The following ZDHHC8 variants were observed in gnomAD, a reference collection of about 807,000 sequenced individuals.
ZDHHC8 encodes the protein zDHHC palmitoyltransferase 8.
In ZDHHC8, 24 loss-of-function variants were observed where a neutral mutation model predicts 61.2. That is an observed-to-expected ratio of 0.39 (90% CI 0.28 to 0.55). The LOEUF is 0.55. ZDHHC8 is among the 20% of genes least tolerant of loss of function. The pLI, the probability that ZDHHC8 is intolerant of heterozygous loss-of-function variation, is 0.60. For missense variants in ZDHHC8, 935 were observed against 1,102.1 expected (o/e 0.85, Z 2.15); for synonymous variants, 523 against 492.5 (o/e 1.06, Z -0.82).
Position 20,140,930 on chromosome 22 carries a change from G to A in ZDHHC8, c.812G>A (p.Arg271Lys), listed in dbSNP as rs1423247543. The stretch of plus-strand genomic sequence containing the variant: ...GTGAGTTTGAAGCCGCCTTTCCTTA[G>A]GCCTGAACTCCTGGACCGAGCTGCA... ...LAVSLKPPFLRPELLDRAAPL... is the reference protein window; with the variant it reads ...LAVSLKPPFLKPELLDRAAPL... Residue 271 changes from arginine to lysine, a missense_variant, in exon 7 of 11, where the codon AGG becomes AAG. By Grantham distance (26) the Arg-to-Lys change is conservative (BLOSUM62 2). Coordinates refer to ENST00000334554, the MANE Select transcript of ZDHHC8 (RefSeq NM_013373.4). 1.2e-6 allele frequency: 2 copies of A among 1,609,022 alleles called. No individual in the cohort carries two copies. Among genetic ancestry groups the A allele is most frequent in the Non-Finnish European group, 1.7e-6 (2 of 1,179,986 alleles).
rs1388951602 is a variant in ZDHHC8 at position 20,146,798 on chromosome 22, CA to C, written c.*1399del. The C allele has an allele frequency of 4.0e-6, 5 of 1,236,632 alleles. No homozygotes were observed. The African/African-American group carries it at 7.8e-5, about 19-fold the overall frequency. The allele number at this position is 1,236,632 out of a possible 1,614,324, so 76.6% of individuals were successfully genotyped here. ...AGATGAAATGGGGGTGCATAGGGGCCACCTGTTGGCTCAGGGCCCTGTGGGG... is the reference window on the plus strand; with the variant it reads ...AGATGAAATGGGGGTGCATAGGGGCCCCTGTTGGCTCAGGGCCCTGTGGGG... On this transcript the variant is annotated 3_prime_UTR_variant, in exon 11 of 11. Coordinates refer to ENST00000334554, the MANE Select transcript of ZDHHC8 (RefSeq NM_013373.4).
chr22:20,147,461 C>T lies in ZDHHC8; in HGVS notation c.*2061C>T, dbSNP rs2050538880. 2 of 447,546 alleles carry T rather than the reference C, an allele frequency of 4.5e-6. No individual in the cohort carries two copies. The highest frequency in any genetic ancestry group is 7.7e-6 in the Non-Finnish European group (2 of 259,926). 27.7% of individuals were successfully genotyped at this position (447,546 alleles called of 1,614,324 possible). ...TCCAGCACCCCACAGGGGGGCAGTCCCAGAGCTGTGGGGACCGGCACGACC... is the reference window on the plus strand; with the variant it reads ...TCCAGCACCCCACAGGGGGGCAGTCTCAGAGCTGTGGGGACCGGCACGACC... On this transcript the variant is annotated 3_prime_UTR_variant, in exon 11 of 11. Transcript: ENST00000334554.
chr22:20,141,029 A>G lies in ZDHHC8; in HGVS notation c.894+17A>G. 5 of 1,609,800 alleles carry G rather than the reference A, an allele frequency of 3.1e-6. No individual in the cohort carries two copies. Among genetic ancestry groups the G allele is most frequent in the Non-Finnish European group, 4.2e-6 (5 of 1,179,740 alleles). On this transcript the variant is annotated intron_variant, in intron 7 of 10. Coordinates refer to ENST00000334554, the MANE Select transcript of ZDHHC8 (RefSeq NM_013373.4). ...CGTAGCAAGGTGGGCGCCTGGGCTTAGGGATGGGCTGGCAGTCAGGCCCTT... is the reference window on the plus strand; with the variant it reads ...CGTAGCAAGGTGGGCGCCTGGGCTTGGGGATGGGCTGGCAGTCAGGCCCTT...
chr22:20,135,016 C>T (rs571027678), intron 1 of ZDHHC8, among the ~76,000 whole-genome samples: 7 of 152,284 alleles, frequency 4.6e-5, no homozygotes, highest in South Asian at 4.2e-4. Context: ...ACTGCAGTCT[C>T]GACCTCCTGG....
In ZDHHC8 at chr22:20,143,568, G is replaced by A. The variant is rs774606085; in HGVS notation, c.1938G>A (p.Leu646=). Residue 646 remains leucine, a synonymous_variant, in exon 10 of 11, where the codon CTG becomes CTA. Coordinates refer to ENST00000334554, the MANE Select transcript of ZDHHC8 (RefSeq NM_013373.4). The part of the protein sequence containing the change: ...SRAPRTSSSS[L]QADQASSNAP... ...CACCGCGGACGTCGTCCTCCTCCCT[G>A]CAGGCTGATCAGGCCAGCAGCAACG... The A allele has an allele frequency of 1.9e-6, 3 of 1,598,242 alleles. No homozygotes were observed. The Admixed American group carries it at 5.0e-5, about 27-fold the overall frequency.
At chr22:20,134,217 G>A (rs1259835664) in intron 1 of ZDHHC8, among the ~76,000 whole-genome samples, 2 of 152,224 alleles carry the variant, frequency 1.3e-5, no homozygotes, top group African/African-American at 4.8e-5. Context: ...ATGTGCAGTG[G>A]CCACCTAGCA....
Position 20,132,319 on chromosome 22 carries a change from C to A in ZDHHC8, c.104+268C>A, listed in dbSNP as rs901119894. Among the ~76,000 whole-genome samples the A allele has an allele frequency of 2.0e-5, 3 of 152,310 alleles. No individual in the cohort carries two copies. In the South Asian group the frequency reaches 6.2e-4, roughly 32 times the overall value. The stretch of plus-strand genomic sequence containing the variant: ...TCGGGAGTGTCCAGGCAGGCCCTGG[C>A]GGGGAGCGCTGGGCCCTGGCAGGGG... On this transcript the variant is annotated intron_variant, in intron 1 of 10. Coordinates refer to ENST00000334554, the MANE Select transcript of ZDHHC8 (RefSeq NM_013373.4).
Position 20,147,486 on chromosome 22 carries a change from C to G in ZDHHC8, c.*2086C>G. ...CCAGAGCTGTGGGGACCGGCACGAC[C>G]TTTGCCCAGCCTCCCTACCCAACCA... On this transcript the variant is annotated 3_prime_UTR_variant, in exon 11 of 11. Transcript: ENST00000334554. The G allele has an allele frequency of 3.0e-6, 1 of 337,616 alleles. No individual in the cohort carries two copies. The allele number at this position is 337,616 out of a possible 1,614,324, so 20.9% of individuals were successfully genotyped here. A position where few individuals can be genotyped will look rare whatever the true frequency, so the allele number is the denominator to read the frequency against.
rs1374618390 is a variant in ZDHHC8, at chr22:20,145,302, G to A, written c.2200G>A (p.Ala734Thr). Residue 734 changes from alanine to threonine, a missense_variant, in exon 11 of 11, where the codon GCC (alanine) becomes ACC (threonine). Transcript: ENST00000334554. Reference sequence around the variant, plus strand: ...CCCGGGCCTGGCCCGGCTGGGACCTGCCACCGGCCCCCCAGGGCCCTCTGC... The same window carrying A: ...CCCGGGCCTGGCCCGGCTGGGACCTACCACCGGCCCCCCAGGGCCCTCTGC... ...QSPGLARLGP[A>T]TGPPGPSASP... The A allele has an allele frequency of 6.3e-7, 1 of 1,592,126 alleles. No homozygotes were observed. The highest frequency in any genetic ancestry group is 8.5e-7 in the Non-Finnish European group (1 of 1,170,008).
Position 20,139,605 on chromosome 22 carries a change from C to T in ZDHHC8, c.354C>T (p.Ser118=). The change falls in exon 3 of 11, where the codon TCC becomes TCT. Residue 118 remains serine (S), a synonymous_variant. Transcript: ENST00000334554. ...ACTTCTACCGCCCGCCGCGCTGCTC[C>T]CACTGCAGCGTCTGTGACAACTGTG... ...TCHFYRPPRC[S]HCSVCDNCVE... 6.2e-7 allele frequency: 1 copy of T among 1,613,180 alleles called. No individual in the cohort carries two copies. Among genetic ancestry groups the T allele is most frequent in the Non-Finnish European group, 8.5e-7 (1 of 1,180,016 alleles).
chr22:20,133,018 G>T, intron 1 of ZDHHC8, among the ~76,000 whole-genome samples: 1 of 152,248 alleles, frequency 6.6e-6, no homozygotes, highest in East Asian at 1.9e-4. Context: ...GCCTGGAGAG[G>T]GGCAGGTAGG....
At position 20,131,865 on chromosome 22, in the gene ZDHHC8, G is replaced by GGCCC; in HGVS notation, c.-83_-82insGCCC. On this transcript the variant is annotated 5_prime_UTR_variant, in exon 1 of 11. Transcript: ENST00000334554. Reference sequence around the variant, plus strand: ...CGCCGCGGGTCCTGCGCCGCGTCCAGCCCGCCCGCCCGACCCCGGCCCGAC... The same window carrying GGCCC: ...CGCCGCGGGTCCTGCGCCGCGTCCAGGCCCCCCGCCCGCCCGACCCCGGCCCGAC... 136 of 318,066 alleles carry GGCCC rather than the reference G, an allele frequency of 4.3e-4. No individual in the cohort carries two copies. The highest frequency in any genetic ancestry group is 5.6e-4 in the Non-Finnish European group (125 of 222,458). The allele number at this position is 318,066 out of a possible 1,614,324, so 19.7% of individuals were successfully genotyped here.
At chr22:20,136,433 C>T (rs529272037) in intron 1 of ZDHHC8, among the ~76,000 whole-genome samples, 4 of 152,320 alleles carry the variant, frequency 2.6e-5, no homozygotes, top group East Asian at 1.9e-4. Context: ...CGTGTTCTTG[C>T]GCACCCTGAG....
intron 1 of ZDHHC8, among the ~76,000 whole-genome samples, chr22:20,133,046 C>T (rs2050391138): frequency 6.6e-6 from 1 of 152,190 alleles, no homozygotes; most frequent in Non-Finnish European, 1.5e-5. Context: ...TGGCGCTCGT[C>T]ACCTTTGCAA....
chr22:20,146,203 C>T lies in ZDHHC8; in HGVS notation c.*803C>T. On this transcript the variant is annotated 3_prime_UTR_variant, in exon 11 of 11. Coordinates refer to ENST00000334554, the MANE Select transcript of ZDHHC8 (RefSeq NM_013373.4). ...CACAGGGGGCTGGTGACACCCAGAG[C>T]CCCCTCCCCAGCCCTCAGGCCCTCC... 1 of 985,616 alleles carries T rather than the reference C, an allele frequency of 1.0e-6. No individual in the cohort carries two copies. Among genetic ancestry groups the T allele is most frequent in the Non-Finnish European group, 1.2e-6 (1 of 829,940 alleles). The allele number at this position is 985,616 out of a possible 1,614,324, so 61.1% of individuals were successfully genotyped here. A position where few individuals can be genotyped will look rare whatever the true frequency, so the allele number is the denominator to read the frequency against.
rs1317149989 is a variant in ZDHHC8, at chr22:20,147,184, C to T, written c.*1784C>T. 4.6e-6 allele frequency: 7 copies of T among 1,515,470 alleles called. No individual in the cohort carries two copies. The highest frequency in any genetic ancestry group is 1.2e-5 in the South Asian group (1 of 80,490). The allele number at this position is 1,515,470 out of a possible 1,614,324, so 93.9% of individuals were successfully genotyped here. A position where few individuals can be genotyped will look rare whatever the true frequency, so the allele number is the denominator to read the frequency against. On this transcript the variant is annotated 3_prime_UTR_variant, in exon 11 of 11. Transcript: ENST00000334554. ...ACCCCCACGCGGGGCCATGTGCCGC[C>T]TGCACTTGGCTGCCTCCAGTCTTTT...
rs2050534843 is a variant in ZDHHC8, at chr22:20,147,141, G to A, written c.*1741G>A. On this transcript the variant is annotated 3_prime_UTR_variant, in exon 11 of 11. Transcript: ENST00000334554. ...ACCGCCCACCACTGCGGGCCCCCTG[G>A]AGCCAGGCCGCCGGGGCACCCCCAC... 6.5e-7 allele frequency: 1 copy of A among 1,533,810 alleles called. No homozygotes were observed. The highest frequency in any genetic ancestry group is 8.8e-7 in the Non-Finnish European group (1 of 1,140,448).
Position 20,139,589 on chromosome 22 carries a change from G to A in ZDHHC8, c.338G>A (p.Arg113His). 3 of 1,613,096 alleles carry A rather than the reference G, an allele frequency of 1.9e-6. No homozygotes were observed. Among genetic ancestry groups the A allele is most frequent in the Non-Finnish European group, 2.5e-6 (3 of 1,180,000 alleles). ...TGGTGTGCCACGTGCCACTTCTACC[G>A]CCCGCCGCGCTGCTCCCACTGCAGC... Reference protein sequence around the residue: ...MKWCATCHFYRPPRCSHCSVC... With the variant: ...MKWCATCHFYHPPRCSHCSVC... Residue 113 changes from arginine to histidine, a missense_variant, in exon 3 of 11, where the codon CGC (arginine) becomes CAC (histidine). Physicochemically the swap from Arg to His is conservative, Grantham distance 29. This residue lies in a region of ZDHHC8 where 199 missense variants were observed against 334.0 expected (regional missense o/e 0.60). Transcript: ENST00000334554.
chr22:20,131,918 G>C lies in ZDHHC8; in HGVS notation c.-30G>C. 2 of 974,054 alleles carry C rather than the reference G, an allele frequency of 2.1e-6. No homozygotes were observed. The highest frequency in any genetic ancestry group is 1.3e-6 in the Non-Finnish European group (1 of 793,026). The allele number at this position is 974,054 out of a possible 1,614,324, so 60.3% of individuals were successfully genotyped here. On this transcript the variant is annotated 5_prime_UTR_variant, in exon 1 of 11. Transcript: ENST00000334554. ...CGGCCGGCCCTGCCCGCCCGGCCCC[G>C]GGGAGGGATGCGGCGGCGCGGCGCC...
Sources: allele counts gnomAD v4.1 joint callset (sites outside exome capture counted in the v4.1 genomes callset), GRCh38; gene constraint gnomAD v4.1.1; regional missense constraint gnomAD v4.1.1; transcripts MANE v1.5; gene names NCBI Gene and HGNC (gene_info 2026-07-23, HGNC 2026-07-21).